The following HPGDS variants were observed in gnomAD, a reference collection of about 807,000 sequenced individuals.
The protein encoded by HPGDS is hematopoietic prostaglandin D synthase.
In HPGDS, 26 loss-of-function variants were observed where a neutral mutation model predicts 23.1. That is an observed-to-expected ratio of 1.13 (90% CI 0.83 to 1.56). The LOEUF (loss-of-function observed/expected upper bound fraction) is 1.56. Among genes scored for constraint, HPGDS ranks in the 40% most tolerant of loss-of-function variants. HPGDS has a pLI of 0.00. For synonymous variants in HPGDS, 95 were observed against 77.9 expected, an observed-to-expected ratio of 1.22 and a Z score of -1.16; for missense variants, 268 against 236.4, an observed-to-expected ratio of 1.13 and a Z score of -0.88.
chr4:94,340,311 C>CTTTTTCTTTTTT (rs1560598005), intron 1 of HPGDS, among the ~76,000 whole-genome samples: 2 of 23,678 alleles, frequency 8.4e-5, no homozygotes, highest in African/African-American at 2.9e-4. Context: ...CTTTCTTTCT[C>CTTTTTCTTTTTT]TTTTTTTTTT....
chr4:94,306,616 G>A (rs1179916313), intron 4 of HPGDS, among the ~76,000 whole-genome samples: 1 of 152,078 alleles, frequency 6.6e-6, no homozygotes, highest in African/African-American at 2.4e-5. Flanking sequence ...CTATTAAGCG[G>A]TTTTAGCATG....
chr4:94,334,814 T>A (rs1720961949), intron 1 of HPGDS, among the ~76,000 whole-genome samples, 176 bp from the exon 2 acceptor site: 1 of 152,176 alleles, frequency 6.6e-6, no homozygotes, highest in African/African-American at 2.4e-5. Flanking sequence ...GGAAACTTGG[T>A]TGAAATCAGA....
At chr4:94,336,070 G>A (rs1460499061) in intron 1 of HPGDS, among the ~76,000 whole-genome samples, 3 of 152,034 alleles carry the variant, frequency 2.0e-5, no homozygotes, top group Admixed American at 6.5e-5. Context: ...GCCAGGTGTG[G>A]TGGTGCGCGC....
At chr4:94,311,699 T>C (rs1661184872) in intron 3 of HPGDS, among the ~76,000 whole-genome samples, 1 of 151,522 alleles carries the variant, frequency 6.6e-6, no homozygotes, top group Admixed American at 6.6e-5. Flanking sequence ...ATTGGAATAG[T>C]TTCAGAAGGA....
chr4:94,338,385 A>G (rs539142508), intron 1 of HPGDS, among the ~76,000 whole-genome samples: 1 of 152,206 alleles, frequency 6.6e-6, no homozygotes. Context: ...AGACCGCGAC[A>G]CTTCACTCCA....
rs547799041 is a variant in HPGDS at position 94,304,888 on chromosome 4, G to T, written c.337-2644C>A. Among the ~76,000 whole-genome samples the T allele has an allele frequency of 2.6e-5, 4 of 152,098 alleles. No homozygotes were observed. In the East Asian group the frequency reaches 7.7e-4, roughly 29 times the overall value. ...TGTTATGGAGCCTCAGCCACAGAAA[G>T]GTAGAAAATAGAAAAGTAGAGAAGA... On this transcript the variant is annotated intron_variant, in intron 4 of 5. Transcript: ENST00000295256.
chr4:94,323,513 G>T (rs978375908), intron 2 of HPGDS, among the ~76,000 whole-genome samples: 3 of 152,150 alleles, frequency 2.0e-5, no homozygotes, highest in South Asian at 2.1e-4. Flanking sequence ...TTACCATTAT[G>T]TAATGGCCTT....
chr4:94,306,701 A>G (rs982890649), intron 4 of HPGDS, among the ~76,000 whole-genome samples: 3 of 152,246 alleles, frequency 2.0e-5, no homozygotes, highest in Non-Finnish European at 4.4e-5. Flanking sequence ...AAGAATTTTT[A>G]TAAATTTAGA....
At chr4:94,326,516 A>T (rs1040053750) in intron 2 of HPGDS, among the ~76,000 whole-genome samples, 8 of 152,026 alleles carry the variant, frequency 5.3e-5, no homozygotes, top group Non-Finnish European at 7.4e-5. Context: ...TGTATTTTTT[A>T]AATTTCATTC....
rs570461726 is a variant in HPGDS at position 94,300,095 on chromosome 4, A to G, written c.436-451T>C. Among the ~76,000 whole-genome samples, 3 of 152,174 alleles carry G rather than the reference A, an allele frequency of 2.0e-5. No homozygotes were observed. In the East Asian group the frequency reaches 5.8e-4, roughly 29 times the overall value. On this transcript the variant is annotated intron_variant, in intron 5 of 5. Coordinates refer to ENST00000295256, the MANE Select transcript of HPGDS (RefSeq NM_014485.3). ...TTCAAAGCAGTACCCTTTTTTTCAC[A>G]TCACCAAATTATTGAAGATTTCACA...
intron 3 of HPGDS, among the ~76,000 whole-genome samples, chr4:94,312,838 T>C (rs1007093244): frequency 3.3e-5 from 5 of 152,236 alleles, no homozygotes; most frequent in Non-Finnish European, 5.9e-5. Flanking sequence ...GGTGCATATA[T>C]ATTTAGGATA....
chr4:94,321,997 C>A (rs1448191492), intron 2 of HPGDS, among the ~76,000 whole-genome samples: 1 of 152,122 alleles, frequency 6.6e-6, no homozygotes, highest in Non-Finnish European at 1.5e-5. Flanking sequence ...TTGTTGAAGG[C>A]CTTTTCTGCA....
intron 5 of HPGDS, among the ~76,000 whole-genome samples, chr4:94,300,877 C>A (rs765711723): frequency 6.6e-6 from 1 of 152,032 alleles, no homozygotes; most frequent in Non-Finnish European, 1.5e-5. Context: ...TAGGGAAATG[C>A]GTAAAGGCCC....
rs376210597 is a variant in HPGDS at position 94,317,980 on chromosome 4, A to G, written c.134-15T>C. ...AAATGGGAGAGCTTAAAATGAAATG[A>G]GCAAATAATTAACTTCATAACAAAA... On this transcript the variant is annotated splice_polypyrimidine_tract_variant and intron_variant, in intron 2 of 5. Transcript: ENST00000295256. 1.2e-5 allele frequency: 18 copies of G among 1,472,818 alleles called. No individual in the cohort carries two copies. The African/African-American group carries it at 2.4e-4, about 19-fold the overall frequency. 91.2% of individuals were successfully genotyped at this position (1,472,818 alleles called of 1,614,324 possible). A position where few individuals can be genotyped will look rare whatever the true frequency, so the allele number is the denominator to read the frequency against.
chr4:94,321,670 T>C (rs201082786), intron 2 of HPGDS, among the ~76,000 whole-genome samples: 15 of 151,102 alleles, frequency 9.9e-5, no homozygotes, highest in East Asian at 3.9e-4. Flanking sequence ...TGGGCTGAGA[T>C]GATGGGGTTT....
intron 2 of HPGDS, among the ~76,000 whole-genome samples, chr4:94,322,952 G>A (rs1756547295): frequency 6.6e-6 from 1 of 152,116 alleles, no homozygotes; most frequent in Non-Finnish European, 1.5e-5. Context: ...CAGAGATTCT[G>A]GTACATTGTG....
Position 94,302,602 on chromosome 4 carries a change from GC to G in HPGDS, c.337-359del, listed in dbSNP as rs557506009. Among the ~76,000 whole-genome samples the G allele has an allele frequency of 4.5e-4, 69 of 151,918 alleles. 1 individual carries two copies. The South Asian group carries it at 9.4e-3, about 21-fold the overall frequency. On this transcript the variant is annotated intron_variant, in intron 4 of 5. Coordinates refer to ENST00000295256, the MANE Select transcript of HPGDS (RefSeq NM_014485.3). Reference sequence around the variant, plus strand: ...TAAAATTTCCCTCTTTCTTAACCTAGCTTTTTTAAAGCTAAATAATGTAACT... The same window carrying G: ...TAAAATTTCCCTCTTTCTTAACCTAGTTTTTTAAAGCTAAATAATGTAACT...
intron 2 of HPGDS, among the ~76,000 whole-genome samples, chr4:94,332,517 G>T (rs769133475): frequency 6.6e-6 from 1 of 152,184 alleles, no homozygotes; most frequent in Non-Finnish European, 1.5e-5. Flanking sequence ...TTCAGGGGTC[G>T]CAGGCACCCC....
intron 3 of HPGDS, among the ~76,000 whole-genome samples, chr4:94,310,231 C>T (rs1035898612): frequency 3.9e-5 from 6 of 152,166 alleles, no homozygotes; most frequent in African/African-American, 7.2e-5. Context: ...ATTGTATTGC[C>T]TAGGTTTTCT....
Sources: gnomAD v4.1 joint callset for allele counts (sites outside exome capture counted in the v4.1 genomes callset) on GRCh38, gnomAD v4.1.1 for gene constraint, MANE v1.5 for transcripts, NCBI Gene and HGNC (gene_info 2026-07-23, HGNC 2026-07-21) for gene names.